The following UGT2A1 variants were observed in gnomAD, a reference collection of about 807,000 sequenced individuals.
UGT2A1 encodes UDP glucuronosyltransferase family 2 member A1 complex locus, also known as UDP-glucuronosyltransferase 2A1.
UGT2A1 carries 61 observed loss-of-function variants against 45.4 expected under a neutral mutation model. The observed-to-expected ratio is 1.34, with a 90% CI of 1.09 to 1.66. The LOEUF is 1.66. UGT2A1 is among the 40% of genes most tolerant of loss of function. The probability of loss-of-function intolerance (pLI) is 0.00; values close to 1 mark genes in which losing one functional copy is unlikely to be tolerated. For synonymous variants in UGT2A1, 229 were observed against 196.2 expected (o/e 1.17, Z -1.40); for missense variants, 649 against 574.3 (o/e 1.13, Z -1.33).
At chr4:69,605,241 C>A (rs1719537707) in intron 3 of UGT2A1, among the ~76,000 whole-genome samples, 1 of 136,972 alleles carries the variant, frequency 7.3e-6, no homozygotes, top group Non-Finnish European at 1.6e-5. Flanking sequence ...ACAGAGCAAT[C>A]AAATTAGAAC....
intron 3 of UGT2A1, among the ~76,000 whole-genome samples, chr4:69,609,787 T>C: frequency 6.6e-6 from 1 of 152,186 alleles, no homozygotes; most frequent in Non-Finnish European, 1.5e-5. Context: ...ATAGCAAATG[T>C]TCACTGCATT....
At chr4:69,638,906 T>A in intron 2 of UGT2A1, 1 of 1,577,708 alleles carries the variant, frequency 6.3e-7, no homozygotes, top group South Asian at 1.2e-5. Flanking sequence ...TACCTAAAAT[T>A]TTGCTATAGT....
At chr4:69,610,817 G>C (rs4148294) in intron 3 of UGT2A1, among the ~76,000 whole-genome samples, 35,489 of 152,076 alleles carry the variant, frequency 0.23, 4,350 homozygotes, top group Middle Eastern at 0.31. Context: ...CATCAGAACT[G>C]TAAGAAAATA....
intron 3 of UGT2A1, among the ~76,000 whole-genome samples, chr4:69,635,049 AT>A (rs1721597268): frequency 6.6e-6 from 1 of 152,146 alleles, no homozygotes. Context: ...TTTACATTGC[AT>A]GTCTGTATCA....
chr4:69,589,706 G>T, intron 6 of UGT2A1, 55 bp from the exon 7 acceptor site: 1 of 1,558,948 alleles, frequency 6.4e-7, no homozygotes, highest in Non-Finnish European at 8.7e-7. Flanking sequence ...TATTTTCATT[G>T]AAGATAAATA....
chr4:69,602,220 A>AACT, intron 3 of UGT2A1, among the ~76,000 whole-genome samples: 1 of 126,542 alleles, frequency 7.9e-6, no homozygotes, highest in Non-Finnish European at 1.7e-5. Context: ...CAATAAAAAC[A>AACT]GTTGTTCATA....
At chr4:69,647,881 TA>T in intron 1 of UGT2A1, 183 bp from the exon 2 acceptor site, 1 of 331,082 alleles carries the variant, frequency 3.0e-6, no homozygotes. Flanking sequence ...TTTAGTGTTT[TA>T]GTTATGATTC....
chr4:69,645,504 C>T (rs547475599), intron 2 of UGT2A1, among the ~76,000 whole-genome samples: 1 of 151,816 alleles, frequency 6.6e-6, no homozygotes, highest in South Asian at 2.1e-4. Context: ...TAAGCACCTG[C>T]TCTCCCAATT....
intron 4 of UGT2A1, 40 bp downstream of exon 4, chr4:69,599,206 A>G: frequency 6.4e-7 from 1 of 1,570,638 alleles, no homozygotes; most frequent in Non-Finnish European, 8.6e-7. Flanking sequence ...TAAGTATTTT[A>G]TTATGAAGAG....
rs569186714 is a variant in UGT2A1, at chr4:69,602,771, T to C, written c.848-3377A>G. Among the ~76,000 whole-genome samples the C allele has an allele frequency of 5.1e-5, 7 of 137,566 alleles. 1 individual carries two copies. The South Asian group carries it at 1.7e-3, about 32-fold the overall frequency. The allele number at this position is 137,566 out of a possible 152,430, so 90.2% of individuals were successfully genotyped here. A position where few individuals can be genotyped will look rare whatever the true frequency, so the allele number is the denominator to read the frequency against. On this transcript the variant is annotated intron_variant, in intron 3 of 6. Coordinates refer to ENST00000286604, the MANE Select transcript of UGT2A1 (RefSeq NM_001252275.3). ...TAGAAAAGTAAATAGAGCTAACTTG[T>C]TCACAGATAAGAAGATCAAAATTCA... is the stretch of plus-strand genomic sequence containing the variant.
intron 3 of UGT2A1, among the ~76,000 whole-genome samples, chr4:69,608,473 T>C (rs1719818420): frequency 6.6e-6 from 1 of 151,764 alleles, no homozygotes; most frequent in East Asian, 1.9e-4. Context: ...TAATGTTAAA[T>C]GATGAGTTAA....
chr4:69,594,574 G>T lies in UGT2A1; in HGVS notation c.1207C>A (p.His403Asn), dbSNP rs373300381. Reference protein sequence around the residue: ...MFADQPDNIAHMKAKGAAVEV... With the variant: ...MFADQPDNIANMKAKGAAVEV... ...ACAGCTGCTCCTTTGGCCTTCATGTGAGCAATGTTATCAGGCTGATCAGCA... is the reference window on the plus strand; with the variant it reads ...ACAGCTGCTCCTTTGGCCTTCATGTTAGCAATGTTATCAGGCTGATCAGCA... Residue 403 changes from histidine (H) to asparagine (N), a missense_variant, in exon 6 of 7, where the codon CAC becomes AAC. Transcript: ENST00000286604. 2 of 1,614,114 alleles carry T rather than the reference G, an allele frequency of 1.2e-6. No individual in the cohort carries two copies. The highest frequency in any genetic ancestry group is 4.5e-5 in the East Asian group (2 of 44,860).
chr4:69,639,504 T>C (rs746937729), intron 2 of UGT2A1: 1 of 1,613,408 alleles, frequency 6.2e-7, no homozygotes, highest in Non-Finnish European at 8.5e-7. Context: ...TAGAATAATC[T>C]TAATATTTAA....
intron 6 of UGT2A1, among the ~76,000 whole-genome samples, chr4:69,591,509 G>A (rs1309624052): frequency 6.6e-6 from 1 of 152,154 alleles, no homozygotes; most frequent in African/African-American, 2.4e-5. Flanking sequence ...CCTTCAGGTA[G>A]TAGGCTTCAG....
chr4:69,625,551 A>G (rs112223002), intron 3 of UGT2A1, among the ~76,000 whole-genome samples: 4,405 of 151,090 alleles, frequency 0.029, 217 homozygotes, highest in African/African-American at 0.1. Flanking sequence ...ATACTATCCA[A>G]TGTATTTTTA....
At chr4:69,599,427 AT>A (rs1719127997) in intron 3 of UGT2A1, 33 bp from the exon 4 acceptor site, 1 of 1,605,992 alleles carries the variant, frequency 6.2e-7, no homozygotes, top group African/African-American at 1.3e-5. Flanking sequence ...GATGGAGGAA[AT>A]TAGCTTATAT....
chr4:69,600,755 T>C (rs916007520), intron 3 of UGT2A1, among the ~76,000 whole-genome samples: 6 of 151,868 alleles, frequency 4.0e-5, no homozygotes, highest in Non-Finnish European at 7.4e-5. Flanking sequence ...CAGGTTGTTT[T>C]GCATGATGGG....
chr4:69,589,778 G>A, intron 6 of UGT2A1, 127 bp from the exon 7 acceptor site: 1 of 1,345,088 alleles, frequency 7.4e-7, no homozygotes, highest in Admixed American at 2.7e-5. Flanking sequence ...TATAATTCTT[G>A]CATGAACTTT....
intron 5 of UGT2A1, 148 bp downstream of exon 5, chr4:69,595,014 G>T: frequency 8.6e-7 from 1 of 1,157,022 alleles, no homozygotes; most frequent in Non-Finnish European, 1.2e-6. Flanking sequence ...TAAAATTAAT[G>T]GCCAATTATG....
Sources: allele counts gnomAD v4.1 joint callset (sites outside exome capture counted in the v4.1 genomes callset), GRCh38; gene constraint gnomAD v4.1.1; transcripts MANE v1.5; gene names NCBI Gene and HGNC (gene_info 2026-07-23, HGNC 2026-07-21).